Variants in DPF3 observed in about 807,000 individuals in gnomAD.
The protein encoded by DPF3 is double PHD fingers 3.
DPF3 carries 18 observed loss-of-function variants against 56.8 expected under a neutral mutation model. The ratio of observed to expected loss-of-function variants is 0.32; its 90% CI spans 0.22 to 0.47. The LOEUF (loss-of-function observed/expected upper bound fraction) is 0.47, where lower values mean the gene tolerates loss of function less well. Ranked by LOEUF, DPF3 falls within the 20% of genes least tolerant of loss-of-function variation. The pLI, the probability that DPF3 is intolerant of heterozygous loss-of-function variation, is 1.00. For synonymous variants in DPF3, 188 were observed against 180.2 expected (o/e 1.04, Z -0.35); for missense variants, 403 against 488.8 (o/e 0.82, Z 1.65).
At chr14:72,822,103 G>A (rs1489403841) in intron 1 of DPF3, among the ~76,000 whole-genome samples, 1 of 152,190 alleles carries the variant, frequency 6.6e-6, no homozygotes, top group Non-Finnish European at 1.5e-5. Flanking sequence ...TATGTCCTAG[G>A]CTGGGCGCAG....
chr14:72,758,914 A>G (rs559704185), intron 2 of DPF3, among the ~76,000 whole-genome samples: 6 of 152,368 alleles, frequency 3.9e-5, no homozygotes, highest in African/African-American at 1.2e-4. Flanking sequence ...AAAATTCACA[A>G]TGTGAGGCAC....
chr14:72,699,517 CAAAAAAAA>C (rs35540991), intron 6 of DPF3, among the ~76,000 whole-genome samples: 2 of 61,588 alleles, frequency 3.2e-5, no homozygotes. Flanking sequence ...GATTCTGTCT[CAAAAAAAA>C]AAAAAAAAAA....
At position 72,612,991 on chromosome 14, in the gene DPF3, G is replaced by GGTGT. The variant is rs1211122851; in HGVS notation, c.*6305_*6306insACAC. 2.8e-5 allele frequency among the ~76,000 whole-genome samples: 2 copies of GGTGT among 71,014 alleles called. No homozygotes were observed. The highest frequency in any genetic ancestry group is 9.8e-5 in the African/African-American group (2 of 20,512). The allele number at this position is 71,014 out of a possible 152,430, so 46.6% of individuals were successfully genotyped here. A position where few individuals can be genotyped will look rare whatever the true frequency, so the allele number is the denominator to read the frequency against. ...AGTTTCCCTTTGGTTCATTAAGTAG[G>GGTGT]GCGTGTGTGTGTGTGTGTGTGTGTG... On this transcript the variant is annotated 3_prime_UTR_variant, in exon 11 of 11. Transcript: ENST00000556509.
chr14:72,849,496 CCTGT>C (rs1250380393), intron 1 of DPF3, among the ~76,000 whole-genome samples: 1 of 152,202 alleles, frequency 6.6e-6, no homozygotes, highest in African/African-American at 2.4e-5. Context: ...CGCCTTCCTG[CCTGT>C]CTTTGTGTAC....
intron 1 of DPF3, among the ~76,000 whole-genome samples, chr14:72,822,385 A>C (rs1286029278): frequency 6.6e-6 from 1 of 152,104 alleles, no homozygotes; most frequent in Non-Finnish European, 1.5e-5. Context: ...ACTCCATCTC[A>C]AAAAAATAAA....
rs1035153679 is a variant in DPF3, at chr14:72,661,226, TC to T, written c.871+13013del. 9 of 985,074 alleles carry T rather than the reference TC, an allele frequency of 9.1e-6. No homozygotes were observed. In the African/African-American group the frequency reaches 1.6e-4, roughly 17 times the overall value. 61.0% of individuals were successfully genotyped at this position (985,074 alleles called of 1,614,324 possible). ...AAGGGACATTTTCTACCAGAAAACG[TC>T]AGAGAAAAGGGCTACAAAATGATAC... On this transcript the variant is annotated intron_variant, in intron 8 of 10. Coordinates refer to ENST00000556509, the MANE Select transcript of DPF3 (RefSeq NM_001280542.3).
chr14:72,819,118 A>G (rs1883417549), intron 1 of DPF3, among the ~76,000 whole-genome samples: 1 of 152,238 alleles, frequency 6.6e-6, no homozygotes, highest in African/African-American at 2.4e-5. Context: ...ATCAGTCATT[A>G]GGGAAATGCC....
At chr14:72,822,235 G>T (rs370376871) in intron 1 of DPF3, among the ~76,000 whole-genome samples, 1 of 152,052 alleles carries the variant, frequency 6.6e-6, no homozygotes, top group Non-Finnish European at 1.5e-5. Context: ...AAAAAAATTA[G>T]CTGGGCGTGG....
chr14:72,893,204 G>T (rs963537065), intron 1 of DPF3, among the ~76,000 whole-genome samples: 1 of 152,058 alleles, frequency 6.6e-6, no homozygotes, highest in African/African-American at 2.4e-5. Context: ...CTGCCCCCTC[G>T]GGCCAGGAGC....
intron 1 of DPF3, among the ~76,000 whole-genome samples, chr14:72,863,694 G>C (rs1420784025): frequency 6.6e-6 from 1 of 152,124 alleles, no homozygotes; most frequent in Non-Finnish European, 1.5e-5. Context: ...GCCACCTACT[G>C]TGTGCCCAGC....
intron 1 of DPF3, among the ~76,000 whole-genome samples, chr14:72,819,046 A>G (rs1312213241): frequency 1.3e-5 from 2 of 152,234 alleles, no homozygotes; most frequent in African/African-American, 4.8e-5. Flanking sequence ...ACAACAAAAG[A>G]TTTGAACAGA....
In DPF3 at chr14:72,799,879, T is replaced by C. The variant is rs139663025; in HGVS notation, c.33-27986A>G. 6.3e-3 allele frequency among the ~76,000 whole-genome samples: 963 copies of C among 151,940 alleles called. 6 individuals are homozygous for C. The highest frequency in any genetic ancestry group is 0.023 in the African/African-American group (936 of 41,426). Reference sequence around the variant, plus strand: ...CAAAGGATGCCAATGTAAAGAAAAGTGGAGTTTAGAGATGAAGGAGAGATG... The same window carrying C: ...CAAAGGATGCCAATGTAAAGAAAAGCGGAGTTTAGAGATGAAGGAGAGATG... On this transcript the variant is annotated intron_variant, in intron 1 of 10. Coordinates refer to ENST00000556509, the MANE Select transcript of DPF3 (RefSeq NM_001280542.3).
intron 1 of DPF3, among the ~76,000 whole-genome samples, chr14:72,861,737 G>GAGAAAGAAAGAAAGAGAA (rs1885420893): frequency 1.2e-5 from 1 of 84,536 alleles, no homozygotes; most frequent in South Asian, 4.3e-4. Flanking sequence ...AAGAAAGAAA[G>GAGAAAGAAAGAAAGAGAA]AGAAAGAAAG....
chr14:72,670,309 C>T, intron 8 of DPF3: 1 of 986,114 alleles, frequency 1.0e-6, no homozygotes, highest in African/African-American at 1.7e-5. Flanking sequence ...TCGTTCTTTG[C>T]CAGGAGGAAA....
chr14:72,708,651 AG>A (rs1229782076), intron 6 of DPF3, among the ~76,000 whole-genome samples: 1 of 152,228 alleles, frequency 6.6e-6, no homozygotes, highest in East Asian at 1.9e-4. Context: ...GCACTCAGGT[AG>A]GGGTAAAACC....
chr14:72,816,196 C>T (rs565777568), intron 1 of DPF3, among the ~76,000 whole-genome samples: 1 of 152,188 alleles, frequency 6.6e-6, no homozygotes, highest in African/African-American at 2.4e-5. Flanking sequence ...TTGTACACTG[C>T]ACCAGCAGCT....
chr14:72,769,638 C>T (rs985560221), intron 2 of DPF3, among the ~76,000 whole-genome samples: 3 of 147,570 alleles, frequency 2.0e-5, no homozygotes, highest in Non-Finnish European at 4.4e-5. Flanking sequence ...CGAGATCATG[C>T]CACTGCACTC....
rs745709641 is a variant in DPF3, at chr14:72,771,737, G to T, written c.189C>A (p.Gly63=). The stretch of plus-strand genomic sequence containing the variant: ...CCCAGGAGTGGCGCAGCTCACCTGG[G>T]CCTCGGTGCCTCTTCTCCATCCAGA... ...CYIWMEKRHR[G]PGLAPGQLYT... is the part of the protein sequence containing the mutation. The change falls in exon 2 of 11, where the codon GGC becomes GGA. Residue 63 remains glycine, a synonymous_variant. Transcript: ENST00000556509. 6.2e-7 allele frequency: 1 copy of T among 1,611,770 alleles called. No individual in the cohort carries two copies. Among genetic ancestry groups the T allele is most frequent in the Non-Finnish European group, 8.5e-7 (1 of 1,178,898 alleles).
At chr14:72,679,053 T>C (rs1233473663) in intron 7 of DPF3, 1 of 152,176 alleles carries the variant, frequency 6.6e-6, no homozygotes, top group Non-Finnish European at 1.5e-5. Context: ...AGAGCAGGCA[T>C]TCTGGAAAGG....
Sources: allele counts gnomAD v4.1 joint callset (sites outside exome capture counted in the v4.1 genomes callset), GRCh38; gene constraint gnomAD v4.1.1; transcripts MANE v1.5; gene names NCBI Gene and HGNC (gene_info 2026-07-23, HGNC 2026-07-21).